TMEM131: variants seen among roughly 807,000 people sequenced by gnomAD.
TMEM131 encodes 2610524E03Rik.
In TMEM131, 66 loss-of-function variants were observed where a neutral mutation model predicts 211.6. The ratio of observed to expected loss-of-function variants is 0.31; its 90% CI spans 0.26 to 0.38. The LOEUF (loss-of-function observed/expected upper bound fraction) is 0.38, where lower values mean the gene tolerates loss of function less well. Ranked by LOEUF, TMEM131 falls within the 10% of genes least tolerant of loss-of-function variation. The pLI is 1.00. For missense variants in TMEM131, 2,036 were observed against 2,299.3 expected, an observed-to-expected ratio of 0.89 and a Z score of 2.34; for synonymous variants, 844 against 841.3, an observed-to-expected ratio of 1.00 and a Z score of -0.06.
chr2:97,943,032 AAAAGAAAAGAAAGAAAGAAAG>A (rs1677843364), intron 1 of TMEM131, among the ~76,000 whole-genome samples: 1 of 47,264 alleles, frequency 2.1e-5, no homozygotes, highest in East Asian at 5.4e-4. Context: ...AAAAGAAAAG[AAAAGAAAAGAAAGAAAGAAAG>A]AAAGAAAGAA....
At chr2:97,851,209 C>T (rs953795015) in intron 5 of TMEM131, among the ~76,000 whole-genome samples, 4 of 151,984 alleles carry the variant, frequency 2.6e-5, no homozygotes, top group East Asian at 1.9e-4. Flanking sequence ...ATACCAAACT[C>T]GAATACTATC....
intron 6 of TMEM131, among the ~76,000 whole-genome samples, chr2:97,842,681 C>A (rs1251915845): frequency 2.0e-5 from 3 of 152,018 alleles, no homozygotes; most frequent in Non-Finnish European, 2.9e-5. Flanking sequence ...TGGTGAAAGA[C>A]TAGATGTGAA....
At chr2:97,832,914 T>C (rs768743555) in intron 11 of TMEM131, among the ~76,000 whole-genome samples, 2 of 152,234 alleles carry the variant, frequency 1.3e-5, no homozygotes, top group Non-Finnish European at 2.9e-5. Flanking sequence ...AGGGAGCCTG[T>C]GACAAGTGTT....
At chr2:97,871,923 T>C (rs1258806315) in intron 4 of TMEM131, among the ~76,000 whole-genome samples, 1 of 142,338 alleles carries the variant, frequency 7.0e-6, no homozygotes, top group African/African-American at 2.7e-5. Flanking sequence ...TTAACAGCAC[T>C]GGCATAAAAA....
chr2:97,967,731 T>C (rs1434588984), intron 1 of TMEM131, among the ~76,000 whole-genome samples: 3 of 152,148 alleles, frequency 2.0e-5, no homozygotes, highest in African/African-American at 7.2e-5. Context: ...AATACTTTTA[T>C]TCCCACTTAG....
chr2:97,971,183 C>T (rs1679279212), intron 1 of TMEM131, among the ~76,000 whole-genome samples: 1 of 152,066 alleles, frequency 6.6e-6, no homozygotes. Context: ...TATACATAAC[C>T]CTTTACAAAG....
intron 2 of TMEM131, among the ~76,000 whole-genome samples, chr2:97,915,922 T>C (rs1377509181): frequency 6.6e-6 from 1 of 151,996 alleles, no homozygotes; most frequent in Non-Finnish European, 1.5e-5. Flanking sequence ...TGTTTCTTAT[T>C]TTATTTTAAT....
intron 11 of TMEM131, chr2:97,827,370 G>A (rs370813485): frequency 1.9e-5 from 18 of 930,940 alleles, no homozygotes; most frequent in Admixed American, 8.5e-5. Context: ...AGGCAGCAGC[G>A]AAGGATAAAT....
Position 97,814,100 on chromosome 2 carries a change from T to A in TMEM131, c.1488A>T (p.Glu496Asp). 6.2e-7 allele frequency: 1 copy of A among 1,608,430 alleles called. No individual in the cohort carries two copies. The highest frequency in any genetic ancestry group is 1.3e-5 in the African/African-American group (1 of 74,996). ...FSKPVLILPN[E>D]SGYIFTLLFM... Reference sequence around the variant, plus strand: ...AAAGCAGGGTAAAAATGTATCCTGATTCATTAGGAAGAATTAAGACTGGTT... The same window carrying A: ...AAAGCAGGGTAAAAATGTATCCTGAATCATTAGGAAGAATTAAGACTGGTT... The change falls in exon 15 of 41, where the codon GAA becomes GAT. Residue 496 changes from glutamate to aspartate, a missense_variant. Transcript: ENST00000186436.
intron 1 of TMEM131, among the ~76,000 whole-genome samples, chr2:97,966,237 C>G (rs1015983112): frequency 6.6e-6 from 1 of 151,728 alleles, no homozygotes; most frequent in African/African-American, 2.4e-5. Flanking sequence ...CATAACTTAG[C>G]AGTAGTTAAA....
chr2:97,985,891 A>G (rs534292948), intron 1 of TMEM131, among the ~76,000 whole-genome samples: 242 of 152,094 alleles, frequency 1.6e-3, no homozygotes, highest in Non-Finnish European at 2.7e-3. Flanking sequence ...GACATAAAAT[A>G]TTGGTGAATA....
chr2:97,793,197 C>A, intron 30 of TMEM131, 198 bp downstream of exon 30: 1 of 651,272 alleles, frequency 1.5e-6, no homozygotes, highest in Non-Finnish European at 2.5e-6. Flanking sequence ...AGTATTTTAA[C>A]CCTTACCAAT....
chr2:97,871,067 C>T (rs1373134456), intron 4 of TMEM131, among the ~76,000 whole-genome samples: 1 of 152,134 alleles, frequency 6.6e-6, no homozygotes, highest in Non-Finnish European at 1.5e-5. Context: ...ATTCAACGTC[C>T]ATTTTTTTTA....
intron 1 of TMEM131, among the ~76,000 whole-genome samples, chr2:97,977,227 C>T (rs1679581152): frequency 6.6e-6 from 1 of 152,190 alleles, no homozygotes; most frequent in African/African-American, 2.4e-5. Context: ...AATAAAAACA[C>T]AAACCTCAGA....
intron 31 of TMEM131, among the ~76,000 whole-genome samples, chr2:97,783,971 T>A: frequency 1.3e-5 from 2 of 150,142 alleles, no homozygotes; most frequent in Non-Finnish European, 3.0e-5. Flanking sequence ...CTAGATGAAC[T>A]TGAGAGGAAA....
chr2:97,995,146 A>G (rs576448843), intron 1 of TMEM131, among the ~76,000 whole-genome samples: 2 of 152,400 alleles, frequency 1.3e-5, no homozygotes, highest in African/African-American at 4.8e-5. Flanking sequence ...CCAAGAAAAC[A>G]GAAGTGTCCT....
chr2:97,925,154 G>A (rs1192828226), intron 2 of TMEM131, among the ~76,000 whole-genome samples: 3 of 152,156 alleles, frequency 2.0e-5, no homozygotes, highest in African/African-American at 7.2e-5. Flanking sequence ...TTACAGGCGT[G>A]AACCACTGTG....
rs556527880 is a variant in TMEM131, at chr2:97,794,802, T to C, written c.3386+128A>G. ...TGTTCCCACCAGTCTGTGAGATTGA[T>C]AAAGGCAGAGTTCTGTCTTGTTTGC... is the stretch of plus-strand genomic sequence containing the variant. On this transcript the variant is annotated intron_variant, in intron 29 of 40. Transcript: ENST00000186436. 150 of 701,234 alleles carry C rather than the reference T, an allele frequency of 2.1e-4. 2 individuals are homozygous for C. The South Asian group carries it at 3.8e-3, about 18-fold the overall frequency. 43.4% of individuals were successfully genotyped at this position (701,234 alleles called of 1,614,324 possible). A position where few individuals can be genotyped will look rare whatever the true frequency, so the allele number is the denominator to read the frequency against.
At chr2:97,991,600 T>C (rs751687881) in intron 1 of TMEM131, among the ~76,000 whole-genome samples, 5 of 151,752 alleles carry the variant, frequency 3.3e-5, no homozygotes, top group African/African-American at 4.8e-5. Flanking sequence ...CAACAGGCAA[T>C]TGGAGAGCAG....
Sources: gnomAD v4.1 joint callset for allele counts (sites outside exome capture counted in the v4.1 genomes callset) on GRCh38, gnomAD v4.1.1 for gene constraint, MANE v1.5 for transcripts, NCBI Gene and HGNC (gene_info 2026-07-23, HGNC 2026-07-21) for gene names.